The following SNX24 variants were observed in gnomAD, a reference collection of about 807,000 sequenced individuals.
SNX24 encodes the protein sorting nexin 24, also known as sorting nexin-24.
A neutral mutation model predicts 28.7 loss-of-function variants in SNX24; 22 were observed. That is an observed-to-expected ratio of 0.77 (90% CI 0.55 to 1.10). The LOEUF (loss-of-function observed/expected upper bound fraction) is 1.10, where lower values mean the gene tolerates loss of function less well. Among genes scored for constraint, SNX24 ranks in the 50% least tolerant of loss-of-function variants. The pLI is 0.00. For synonymous variants in SNX24, 69 were observed against 71.5 expected, an observed-to-expected ratio of 0.96 and a Z score of 0.18; for missense variants, 221 against 201.1, an observed-to-expected ratio of 1.10 and a Z score of -0.60.
At chr5:123,010,159 C>T (rs936501613), downstream of SNX24, among the ~76,000 whole-genome samples, 1 of 152,218 alleles carries the variant, frequency 6.6e-6, no homozygotes. Context: ...CCCACTCCCA[C>T]CTCCCACTCC....
At chr5:122,874,577 G>A (rs1028396327) in intron 1 of SNX24, among the ~76,000 whole-genome samples, 2 of 152,168 alleles carry the variant, frequency 1.3e-5, no homozygotes, top group Non-Finnish European at 2.9e-5. Flanking sequence ...ATCGATGTGC[G>A]GCATATTTTA....
chr5:122,910,452 ACTTTTTTTT>A (rs765660138), intron 1 of SNX24, among the ~76,000 whole-genome samples: 8 of 152,092 alleles, frequency 5.3e-5, no homozygotes, highest in Non-Finnish European at 1.2e-4. Context: ...GGAAAGACAG[ACTTTTTTTT>A]GTTTTGTTTT....
At chr5:122,859,044 A>T (rs1045675168) in intron 1 of SNX24, among the ~76,000 whole-genome samples, 2 of 152,206 alleles carry the variant, frequency 1.3e-5, no homozygotes, top group African/African-American at 2.4e-5. Context: ...AACCAGGACC[A>T]GCCTGACCTT....
chr5:123,010,434 G>A (rs1581863801), downstream of SNX24, among the ~76,000 whole-genome samples: 3 of 151,996 alleles, frequency 2.0e-5, no homozygotes, highest in East Asian at 1.9e-4. Flanking sequence ...GATTACAGGC[G>A]CATGCCACCA....
chr5:122,889,765 T>G lies in SNX24; in HGVS notation c.60+44072T>G, dbSNP rs376514996. 6.8e-5 allele frequency among the ~76,000 whole-genome samples: 10 copies of G among 148,038 alleles called. No homozygotes were observed. The East Asian group carries it at 1.4e-3, about 20-fold the overall frequency. ...TGTGTATATATATACATTATACCTC[T>G]TCTCCCTTCATTTTTTCATTATTCC... On this transcript the variant is annotated intron_variant, in intron 1 of 6. Transcript: ENST00000261369.
chr5:122,901,216 A>G (rs897513271), intron 1 of SNX24, among the ~76,000 whole-genome samples: 1 of 151,724 alleles, frequency 6.6e-6, no homozygotes, highest in Non-Finnish European at 1.5e-5. Context: ...AAAAAAAAAA[A>G]GCAAAATATT....
rs538301030 is a variant in SNX24 at position 123,017,432 on chromosome 5, T to G, written n.384-11806T>G. On this transcript the variant is annotated intron_variant and non_coding_transcript_variant, in intron 5 of 5. Coordinates refer to the SNX24 transcript ENST00000502387. ...CAATTCAGAAAATAAAAAGTTGTTT[T>G]TTTTTTTTTTTAAGATAAGTCTTTT... is the stretch of plus-strand genomic sequence containing the variant. 1.4e-3 allele frequency among the ~76,000 whole-genome samples: 215 copies of G among 152,144 alleles called. 2 individuals carry two copies. Among genetic ancestry groups the G allele is most frequent in the Non-Finnish European group, 2.1e-3 (142 of 67,990 alleles).
intron 3 of SNX24, among the ~76,000 whole-genome samples, chr5:122,970,378 A>T (rs1760906907): frequency 6.6e-6 from 1 of 152,016 alleles, no homozygotes; most frequent in African/African-American, 2.4e-5. Context: ...TCTGATCGTG[A>T]TAACTACCTA....
At chr5:122,861,863 G>C (rs947425731) in intron 1 of SNX24, among the ~76,000 whole-genome samples, 2 of 152,140 alleles carry the variant, frequency 1.3e-5, no homozygotes, top group African/African-American at 4.8e-5. Context: ...TTTATAAACT[G>C]TAAGCTTCTC....
intron 3 of SNX24, among the ~76,000 whole-genome samples, chr5:122,965,853 G>T (rs190961400): frequency 6.6e-6 from 1 of 152,294 alleles, no homozygotes; most frequent in Admixed American, 6.5e-5. Context: ...TCAAGCAAGC[G>T]CTATTAAATC....
chr5:122,967,580 G>T (rs955035409), intron 3 of SNX24, among the ~76,000 whole-genome samples: 10 of 152,276 alleles, frequency 6.6e-5, no homozygotes, highest in Non-Finnish European at 1.0e-4. Context: ...CTGATAAAAA[G>T]GTGGATTAAG....
At chr5:123,000,080 C>A in intron 4 of SNX24, 74 bp downstream of exon 4, 2 of 1,020,838 alleles carry the variant, frequency 2.0e-6, no homozygotes, top group South Asian at 1.3e-5. Context: ...AACAAATAGC[C>A]CAGAGTGATG....
At chr5:122,880,943 T>C (rs1756452488) in intron 1 of SNX24, among the ~76,000 whole-genome samples, 1 of 152,196 alleles carries the variant, frequency 6.6e-6, no homozygotes, top group Non-Finnish European at 1.5e-5. Flanking sequence ...ACAATATCAT[T>C]TGGTTGCAAA....
At position 122,956,918 on chromosome 5, in the gene SNX24, A is replaced by G. The variant is rs188511699; in HGVS notation, c.249+10759A>G. Among the ~76,000 whole-genome samples, 447 of 151,880 alleles carry G rather than the reference A, an allele frequency of 2.9e-3. 3 individuals are homozygous for G. Among genetic ancestry groups the G allele is most frequent in the African/African-American group, 0.01 (417 of 41,426 alleles). On this transcript the variant is annotated intron_variant, in intron 3 of 6. Transcript: ENST00000261369. The stretch of plus-strand genomic sequence containing the variant: ...TTGTTGAGTTTTAAGAGTTCTCTAT[A>G]TATTCTGGATATTCTTCCCTTATTA...
At chr5:122,913,892 G>A (rs888187820) in intron 1 of SNX24, among the ~76,000 whole-genome samples, 30 of 152,214 alleles carry the variant, frequency 2.0e-4, no homozygotes, top group Middle Eastern at 3.2e-3. Context: ...CGGATCACTC[G>A]CGGTTAGGAG....
At chr5:122,929,003 TC>T (rs776067046) in intron 1 of SNX24, among the ~76,000 whole-genome samples, 1 of 152,008 alleles carries the variant, frequency 6.6e-6, no homozygotes, top group Non-Finnish European at 1.5e-5. Flanking sequence ...TGTGTGATTG[TC>T]CCACCCTCCA....
intron 1 of SNX24, among the ~76,000 whole-genome samples, chr5:122,902,337 G>A (rs934966830): frequency 3.9e-5 from 6 of 152,244 alleles, no homozygotes; most frequent in African/African-American, 1.2e-4. Flanking sequence ...GGTTCAAGAG[G>A]CTGAAGAAGA....
intron 1 of SNX24, among the ~76,000 whole-genome samples, chr5:122,884,420 T>G (rs1321333434): frequency 6.6e-6 from 1 of 152,014 alleles, no homozygotes; most frequent in African/African-American, 2.4e-5. Flanking sequence ...CTAATTTTTG[T>G]ATTTTTAGTA....
At chr5:123,010,851 A>T (rs1434415598), downstream of SNX24, among the ~76,000 whole-genome samples, 1 of 140,968 alleles carries the variant, frequency 7.1e-6, no homozygotes, top group Non-Finnish European at 1.6e-5. Context: ...ATTGCTTTCT[A>T]TTTTTTTTTA....
Sources: gnomAD v4.1 joint callset for allele counts (sites outside exome capture counted in the v4.1 genomes callset) on GRCh38, gnomAD v4.1.1 for gene constraint, MANE v1.5 for transcripts, NCBI Gene and HGNC (gene_info 2026-07-23, HGNC 2026-07-21) for gene names.